The following SCAF4 variants were observed in gnomAD, a reference collection of about 807,000 sequenced individuals.
The protein encoded by SCAF4 is SR-related and CTD-associated factor 4.
In SCAF4, 25 loss-of-function variants were observed where a neutral mutation model predicts 129.8. That is an observed-to-expected ratio of 0.19 (90% CI 0.14 to 0.27). The LOEUF (loss-of-function observed/expected upper bound fraction) is 0.27. Ranked by LOEUF, SCAF4 falls within the 10% of genes least tolerant of loss-of-function variation. The pLI is 1.00. For missense variants in SCAF4, 1,246 were observed against 1,457.1 expected, an observed-to-expected ratio of 0.86 and a Z score of 2.36; for synonymous variants, 551 against 497.7, an observed-to-expected ratio of 1.11 and a Z score of -1.43.
chr21:31,672,008 CTGCGGCGGCTGT>C lies in SCAF4; in HGVS notation c.2823_2834del (p.Pro944_Pro947del), dbSNP rs1568816829. On this transcript the variant is annotated inframe_deletion, in exon 20 of 20. Transcript: ENST00000286835. ...GCGGCTGTGGCTGCTGCTGTGGCTGCTGCGGCGGCTGTTGCCTTCCGTCTCTGTCTTCAGGAC... is the reference window on the plus strand; with the variant it reads ...GCGGCTGTGGCTGCTGCTGTGGCTGCTGCCTTCCGTCTCTGTCTTCAGGAC... The C allele has an allele frequency of 3.1e-6, 5 of 1,612,264 alleles. No individual in the cohort carries two copies. The highest frequency in any genetic ancestry group is 1.7e-5 in the Admixed American group (1 of 59,952).
intron 1 of SCAF4, among the ~76,000 whole-genome samples, chr21:31,726,366 T>A (rs2123695594): frequency 6.6e-6 from 1 of 152,234 alleles, no homozygotes; most frequent in East Asian, 1.9e-4. Context: ...CCTTTAAGAA[T>A]TTAAAAGGAT....
At chr21:31,696,423 C>A (rs1392255803) in intron 8 of SCAF4, 146 bp downstream of exon 8, 8 of 883,226 alleles carry the variant, frequency 9.1e-6, no homozygotes, top group South Asian at 4.4e-5. Context: ...TAAGAGGATC[C>A]CTTCCTCATT....
chr21:31,708,416 A>C (rs1309068390), intron 1 of SCAF4, among the ~76,000 whole-genome samples: 1 of 152,030 alleles, frequency 6.6e-6, no homozygotes, highest in African/African-American at 2.4e-5. Context: ...AAGAAAAAGA[A>C]ATAACAAATC....
intron 14 of SCAF4, 141 bp downstream of exon 14, chr21:31,691,672 TAAAA>T (rs5843527): frequency 8.9e-5 from 25 of 280,924 alleles, no homozygotes; most frequent in Non-Finnish European, 1.1e-4. Context: ...AAATATTCTT[TAAAA>T]AAAAAAAAAA....
intron 1 of SCAF4, among the ~76,000 whole-genome samples, chr21:31,707,268 G>C (rs1223996886): frequency 6.6e-6 from 1 of 152,166 alleles, no homozygotes; most frequent in African/African-American, 2.4e-5. Context: ...CATGAGAACT[G>C]CTTGAACCCA....
chr21:31,719,576 C>T (rs1429788496), intron 1 of SCAF4, among the ~76,000 whole-genome samples: 11 of 152,036 alleles, frequency 7.2e-5, no homozygotes, highest in Non-Finnish European at 1.6e-4. Flanking sequence ...GTGATCTCAG[C>T]GCACCACAAC....
chr21:31,713,762 G>T (rs1601255181), intron 1 of SCAF4, among the ~76,000 whole-genome samples: 1 of 143,210 alleles, frequency 7.0e-6, no homozygotes, highest in Non-Finnish European at 1.5e-5. Flanking sequence ...GGGGTGGGGG[G>T]GGCAGGGAAG....
chr21:31,675,026 C>A (rs1184237606), intron 19 of SCAF4, among the ~76,000 whole-genome samples: 1 of 152,010 alleles, frequency 6.6e-6, no homozygotes, highest in Non-Finnish European at 1.5e-5. Flanking sequence ...GGAAAATGCA[C>A]AAGGCCAGTG....
At chr21:31,675,679 T>C (rs773056735) in intron 19 of SCAF4, among the ~76,000 whole-genome samples, 7 of 152,192 alleles carry the variant, frequency 4.6e-5, no homozygotes, top group Admixed American at 6.5e-5. Context: ...GTGATGGCTC[T>C]AAGTGCCTGA....
chr21:31,716,673 A>C (rs2050927007), intron 1 of SCAF4, among the ~76,000 whole-genome samples: 1 of 152,174 alleles, frequency 6.6e-6, no homozygotes, highest in Non-Finnish European at 1.5e-5. Context: ...AAACCTGAAG[A>C]CAACTCCATA....
At chr21:31,685,004 G>GT (rs775372086) in intron 19 of SCAF4, 45 bp downstream of exon 19, 1 of 742,970 alleles carries the variant, frequency 1.3e-6, no homozygotes, top group South Asian at 1.5e-5. Flanking sequence ...GGGGGTGGGG[G>GT]GGGGGTGGGG....
chr21:31,726,195 G>A (rs868531485), intron 1 of SCAF4, among the ~76,000 whole-genome samples: 15 of 151,780 alleles, frequency 9.9e-5, no homozygotes, highest in African/African-American at 3.4e-4. Context: ...ACAGGCGCCC[G>A]CCACCACACC....
chr21:31,700,300 C>G (rs2050493959), intron 7 of SCAF4, among the ~76,000 whole-genome samples: 1 of 151,740 alleles, frequency 6.6e-6, no homozygotes, highest in South Asian at 2.1e-4. Flanking sequence ...CAGACGGAGT[C>G]TCACTATGTT....
Position 31,702,653 on chromosome 21 carries a change from T to C in SCAF4, c.322-274A>G, listed in dbSNP as rs1179691056. Among the ~76,000 whole-genome samples, 7 of 152,272 alleles carry C rather than the reference T, an allele frequency of 4.6e-5. No homozygotes were observed. The South Asian group carries it at 1.0e-3, about 23-fold the overall frequency. ...TGACATTTTCATTTTATTTTACTTA[T>C]GGTTACAAATAAACTATCACTGACC... On this transcript the variant is annotated intron_variant, in intron 4 of 19. Coordinates refer to ENST00000286835, the MANE Select transcript of SCAF4 (RefSeq NM_020706.2).
intron 1 of SCAF4, among the ~76,000 whole-genome samples, chr21:31,723,626 G>A (rs2051128599): frequency 7.0e-6 from 1 of 141,924 alleles, no homozygotes; most frequent in African/African-American, 2.5e-5. Flanking sequence ...GTGTGTGTGT[G>A]TGTGCGCGCG....
intron 1 of SCAF4, among the ~76,000 whole-genome samples, chr21:31,723,131 G>A (rs2051111700): frequency 6.6e-6 from 1 of 152,160 alleles, no homozygotes. Context: ...AATTAAAAGT[G>A]CTCTTAACTG....
Position 31,701,108 on chromosome 21 carries a change from C to A in SCAF4, c.664G>T (p.Ala222Ser), listed in dbSNP as rs144527752. Residue 222 changes from alanine (A) to serine (S), a missense_variant, in exon 7 of 20, where the codon GCT becomes TCT. This residue lies in a region of SCAF4 where 143 missense variants were observed against 161.0 expected (regional missense o/e 0.89). Coordinates refer to ENST00000286835, the MANE Select transcript of SCAF4 (RefSeq NM_020706.2). ...PKPQSPALDNAVMAQVQAITA... is the reference protein window; with the variant it reads ...PKPQSPALDNSVMAQVQAITA... ...ATAGCCTGAACCTGAGCCATCACAG[C>A]ATTGTCAAGGGCAGGAGACTGTGGT... The A allele has an allele frequency of 5.1e-5, 82 of 1,613,702 alleles. No individual in the cohort carries two copies. The highest frequency in any genetic ancestry group is 6.7e-5 in the Non-Finnish European group (79 of 1,179,840).
Position 31,707,881 on chromosome 21 carries a change from T to C in SCAF4, c.31-1524A>G, listed in dbSNP as rs778949495. ...GGCATGGAATGCCAAATATAATCAA[T>C]AAAAAACCAGATAACTACTTAAGCA... On this transcript the variant is annotated intron_variant, in intron 1 of 19. Transcript: ENST00000286835. Among the ~76,000 whole-genome samples the C allele has an allele frequency of 2.6e-5, 4 of 152,092 alleles. No homozygotes were observed. The East Asian group carries it at 7.7e-4, about 29-fold the overall frequency.
At chr21:31,720,295 G>GTATA (rs2051038585) in intron 1 of SCAF4, among the ~76,000 whole-genome samples, 1 of 152,226 alleles carries the variant, frequency 6.6e-6, no homozygotes, top group Admixed American at 6.5e-5. Context: ...TTTTAATGGA[G>GTATA]TATAAACTGG....
Sources: allele counts gnomAD v4.1 joint callset (sites outside exome capture counted in the v4.1 genomes callset), GRCh38; gene constraint gnomAD v4.1.1; regional missense constraint gnomAD v4.1.1; transcripts MANE v1.5; gene names NCBI Gene and HGNC (gene_info 2026-07-23, HGNC 2026-07-21).